The following PPP3CC variants were observed in gnomAD, a reference collection of about 807,000 sequenced individuals.
PPP3CC encodes the protein protein phosphatase 3 catalytic subunit gamma, also known as serine/threonine-protein phosphatase 2B catalytic subunit gamma isoform.
PPP3CC carries 35 observed loss-of-function variants against 60.3 expected under a neutral mutation model. The ratio of observed to expected loss-of-function variants is 0.58; its 90% CI spans 0.44 to 0.77. The LOEUF (loss-of-function observed/expected upper bound fraction) is 0.77. PPP3CC is among the 30% of genes least tolerant of loss of function. PPP3CC has a pLI of 0.00. For synonymous variants in PPP3CC, 206 were observed against 224.3 expected, an observed-to-expected ratio of 0.92 and a Z score of 0.73; for missense variants, 570 against 628.9, an observed-to-expected ratio of 0.91 and a Z score of 1.00.
At chr8:22,462,561 TTTTTTTC>T (rs1189992193) in intron 1 of PPP3CC, among the ~76,000 whole-genome samples, 7 of 152,108 alleles carry the variant, frequency 4.6e-5, no homozygotes, top group South Asian at 2.1e-4. Context: ...ATTTTGTTCT[TTTTTTTC>T]TTTTTTCTTT....
At chr8:22,441,536 G>A (rs940188989) in intron 1 of PPP3CC, 78 bp downstream of exon 1, 2 of 1,424,610 alleles carry the variant, frequency 1.4e-6, no homozygotes, top group Non-Finnish European at 1.9e-6. Context: ...GGCGGAGGGA[G>A]GCTGGGGCCG....
chr8:22,510,935 C>A, intron 4 of PPP3CC, 151 bp from the exon 5 acceptor site: 1 of 837,440 alleles, frequency 1.2e-6, no homozygotes. Flanking sequence ...TTATCCACAA[C>A]TTTTCAAAAG....
intron 3 of PPP3CC, among the ~76,000 whole-genome samples, chr8:22,482,882 C>G (rs1563721877): frequency 6.6e-6 from 1 of 152,120 alleles, no homozygotes; most frequent in Non-Finnish European, 1.5e-5. Context: ...AGATAAACCT[C>G]TTAGTGTCAG....
chr8:22,533,424 C>A (rs2449341), intron 12 of PPP3CC, among the ~76,000 whole-genome samples: 75,856 of 152,020 alleles, frequency 0.5, 19,270 homozygotes, highest in African/African-American at 0.6. Flanking sequence ...CACGTCTCAC[C>A]AAGCCCTTGT....
chr8:22,478,263 T>A (rs1837958346), intron 3 of PPP3CC, among the ~76,000 whole-genome samples: 1 of 151,756 alleles, frequency 6.6e-6, no homozygotes, highest in Non-Finnish European at 1.5e-5. Context: ...AGCAGTTCTC[T>A]GCCTCTGCCT....
rs556198773 is a variant in PPP3CC, at chr8:22,540,816, C to T, written c.*14C>T. 23 of 1,586,798 alleles carry T rather than the reference C, an allele frequency of 1.4e-5. No homozygotes were observed. Among genetic ancestry groups the T allele is most frequent in the Admixed American group, 1.1e-4 (6 of 55,274 alleles). ...GCCCATTCATGACTTAGAGTCCTGC[C>T]GTGGCTCAGGTGGATCTAAAACTCA... On this transcript the variant is annotated 3_prime_UTR_variant, in exon 14 of 14. Transcript: ENST00000240139.
intron 3 of PPP3CC, among the ~76,000 whole-genome samples, chr8:22,479,867 T>C (rs1020455094): frequency 1.3e-5 from 2 of 152,148 alleles, no homozygotes; most frequent in Non-Finnish European, 2.9e-5. Context: ...AAAAATGTTA[T>C]GTATTGCTGT....
chr8:22,534,151 A>T (rs1839789875), intron 12 of PPP3CC, among the ~76,000 whole-genome samples: 2 of 150,040 alleles, frequency 1.3e-5, no homozygotes, highest in South Asian at 4.2e-4. Flanking sequence ...GCGAGCCAAG[A>T]TCACACCATT....
At chr8:22,448,233 C>A (rs566018487) in intron 1 of PPP3CC, among the ~76,000 whole-genome samples, 2 of 152,040 alleles carry the variant, frequency 1.3e-5, no homozygotes, top group South Asian at 2.1e-4. Flanking sequence ...GAAGACTGTT[C>A]TAGATGAAAG....
Position 22,513,291 on chromosome 8 carries a change from A to T in PPP3CC, c.631-2A>T. 1 of 1,609,188 alleles carries T rather than the reference A, an allele frequency of 6.2e-7. No individual in the cohort carries two copies. The highest frequency in any genetic ancestry group is 8.5e-7 in the Non-Finnish European group (1 of 1,178,574). The stretch of plus-strand genomic sequence containing the variant: ...TTCTTTTGGCTTTTGTGTGTCTTCT[A>T]GTTAGACAGGTTTACGGAACCTCCC... On this transcript the variant is annotated splice_acceptor_variant, in intron 5 of 13. Coordinates refer to ENST00000240139, the MANE Select transcript of PPP3CC (RefSeq NM_005605.5). LOFTEE classifies it high-confidence loss of function.
intron 4 of PPP3CC, among the ~76,000 whole-genome samples, chr8:22,499,028 G>C (rs975773115): frequency 6.6e-6 from 1 of 152,052 alleles, no homozygotes; most frequent in Admixed American, 6.5e-5. Flanking sequence ...GGACGCTGAG[G>C]CAGGAGAATG....
At chr8:22,496,664 A>G (rs1180909490) in intron 3 of PPP3CC, among the ~76,000 whole-genome samples, 1 of 150,918 alleles carries the variant, frequency 6.6e-6, no homozygotes, top group East Asian at 2.0e-4. Flanking sequence ...CGCCCAGCTA[A>G]TTTTTGTATT....
At chr8:22,497,059 C>T (rs192329158) in intron 3 of PPP3CC, among the ~76,000 whole-genome samples, 6 of 152,012 alleles carry the variant, frequency 3.9e-5, no homozygotes, top group South Asian at 2.1e-4. Flanking sequence ...GACAGAGTTT[C>T]GCTCTTGTTG....
At chr8:22,451,548 C>T (rs1033101738) in intron 1 of PPP3CC, among the ~76,000 whole-genome samples, 15 of 152,196 alleles carry the variant, frequency 9.9e-5, no homozygotes, top group Non-Finnish European at 7.3e-5. Flanking sequence ...ACTTTCTTTC[C>T]TGACCTCATG....
At chr8:22,481,349 AATAAT>A (rs1412426387) in intron 3 of PPP3CC, among the ~76,000 whole-genome samples, 2 of 46,780 alleles carry the variant, frequency 4.3e-5, no homozygotes, top group East Asian at 1.2e-3. Flanking sequence ...AAAAATAAAT[AATAAT>A]AATAATAATA....
chr8:22,513,235 T>G, intron 5 of PPP3CC, 58 bp from the exon 6 acceptor site: 1 of 1,546,212 alleles, frequency 6.5e-7, no homozygotes, highest in East Asian at 2.3e-5. Flanking sequence ...ACATACTAGT[T>G]TCCAAGAAGC....
At chr8:22,498,656 T>C (rs1838663784) in intron 4 of PPP3CC, among the ~76,000 whole-genome samples, 1 of 152,228 alleles carries the variant, frequency 6.6e-6, no homozygotes, top group Admixed American at 6.5e-5. Context: ...ATTTTTTCCA[T>C]ATCATTAAGT....
At chr8:22,457,837 A>C (rs1420270072) in intron 1 of PPP3CC, among the ~76,000 whole-genome samples, 1 of 152,250 alleles carries the variant, frequency 6.6e-6, no homozygotes, top group Admixed American at 6.5e-5. Flanking sequence ...TACGCCTGTA[A>C]TCCCAGCACT....
chr8:22,475,452 G>A lies in PPP3CC; in HGVS notation c.248-48G>A, dbSNP rs373571667. ...GATCCCTTTTGGTGTAATGCCCTTC[G>A]TCTTCTAAGGTATAATTTCTCACAT... is the stretch of plus-strand genomic sequence containing the variant. On this transcript the variant is annotated intron_variant, in intron 2 of 13. Coordinates refer to ENST00000240139, the MANE Select transcript of PPP3CC (RefSeq NM_005605.5). 5.0e-5 allele frequency: 78 copies of A among 1,559,136 alleles called. 1 individual carries two copies. In the Middle Eastern group the frequency reaches 3.4e-3, roughly 68 times the overall value.
Sources: allele counts gnomAD v4.1 joint callset (sites outside exome capture counted in the v4.1 genomes callset), GRCh38; gene constraint gnomAD v4.1.1; transcripts MANE v1.5; gene names NCBI Gene and HGNC (gene_info 2026-07-23, HGNC 2026-07-21).